XPO1: variants seen among roughly 807,000 people sequenced by gnomAD.
XPO1 encodes exportin-1.
Under a neutral mutation model 133.3 loss-of-function variants are expected in XPO1, and 5 were observed. The observed-to-expected ratio is 0.04, with a 90% confidence interval of 0.02 to 0.08. The LOEUF (loss-of-function observed/expected upper bound fraction) is 0.08. Among genes scored for constraint, XPO1 ranks in the 10% least tolerant of loss-of-function variants. The pLI is 1.00. For missense variants in XPO1, 506 were observed against 1,267.5 expected (o/e 0.40, Z 9.12); for synonymous variants, 419 against 408.2 (o/e 1.03, Z -0.32).
intron 4 of XPO1, among the ~76,000 whole-genome samples, chr2:61,518,063 G>C (rs1162335580): frequency 6.6e-6 from 1 of 151,904 alleles, no homozygotes; most frequent in Non-Finnish European, 1.5e-5. Context: ...CCAGGAGGCA[G>C]AGGGTGCAGT....
chr2:61,482,235 G>C, intron 23 of XPO1, 145 bp downstream of exon 23: 1 of 345,654 alleles, frequency 2.9e-6, no homozygotes, highest in Non-Finnish European at 4.2e-6. Context: ...GTAGAGACGG[G>C]ATCTTGTTTT....
intron 10 of XPO1, 70 bp from the exon 11 acceptor site, chr2:61,495,683 T>C (rs1697209728): frequency 2.1e-6 from 3 of 1,401,580 alleles, no homozygotes; most frequent in Admixed American, 4.8e-5. Context: ...TATTTTATTA[T>C]TATTTTTTTG....
In XPO1 at chr2:61,495,649, T is replaced by C. The variant is rs753751922; in HGVS notation, c.889-36A>G. On this transcript the variant is annotated intron_variant, in intron 10 of 24. Transcript: ENST00000401558. ...TAAAAGGGACGATCAGTTCGCATTT[T>C]ATAAAACAACTAAAGACACTTAATA... is the stretch of plus-strand genomic sequence containing the variant. 2.0e-6 allele frequency: 3 copies of C among 1,517,898 alleles called. No individual in the cohort carries two copies. The Admixed American group carries it at 6.4e-5, about 32-fold the overall frequency. The allele number at this position is 1,517,898 out of a possible 1,614,324, so 94.0% of individuals were successfully genotyped here. A position where few individuals can be genotyped will look rare whatever the true frequency, so the allele number is the denominator to read the frequency against.
At chr2:61,488,553 T>G (rs181194735) in intron 18 of XPO1, 35 bp downstream of exon 18, 1 of 1,590,514 alleles carries the variant, frequency 6.3e-7, no homozygotes, top group Admixed American at 1.8e-5. Flanking sequence ...GTGGTTTGTT[T>G]ATACTGCATT....
At chr2:61,511,786 C>G (rs1487402070) in intron 4 of XPO1, among the ~76,000 whole-genome samples, 3 of 150,190 alleles carry the variant, frequency 2.0e-5, no homozygotes, top group Admixed American at 6.6e-5. Context: ...TGAGACGGAG[C>G]CTTGCTCTGT....
rs546657897 is a variant in XPO1, at chr2:61,478,112, G to A, written c.*708C>T. 4.3e-6 allele frequency: 1 copy of A among 231,870 alleles called. No individual in the cohort carries two copies. Among genetic ancestry groups the A allele is most frequent in the African/African-American group, 2.2e-5 (1 of 45,322 alleles). 14.4% of individuals were successfully genotyped at this position (231,870 alleles called of 1,614,324 possible). ...TAAATATTTTTAACCATTTCACTTC[G>A]AGTTAATGAAGGCTCACAAATGAGC... On this transcript the variant is annotated 3_prime_UTR_variant, in exon 25 of 25. Transcript: ENST00000401558.
chr2:61,494,219 C>T, intron 11 of XPO1, 128 bp from the exon 12 acceptor site: 1 of 856,498 alleles, frequency 1.2e-6, no homozygotes, highest in Non-Finnish European at 1.7e-6. Flanking sequence ...GATTTCAATA[C>T]TTATCAAATA....
chr2:61,511,762 C>CT (rs556975972), intron 4 of XPO1, among the ~76,000 whole-genome samples: 7 of 151,120 alleles, frequency 4.6e-5, no homozygotes, highest in Non-Finnish European at 7.4e-5. Flanking sequence ...TTTTTCTTTT[C>CT]TTTTTTTTCT....
intron 4 of XPO1, among the ~76,000 whole-genome samples, chr2:61,509,167 G>A (rs1264542514): frequency 1.3e-5 from 2 of 149,660 alleles, no homozygotes; most frequent in African/African-American, 4.9e-5. Context: ...ACGCCCAGCT[G>A]ATTTTTTTTT....
intron 1 of XPO1, chr2:61,536,474 T>C: frequency 6.6e-6 from 1 of 152,246 alleles, no homozygotes; most frequent in East Asian, 1.9e-4. Context: ...ACTCTACAAG[T>C]GACACCCAAT....
intron 4 of XPO1, among the ~76,000 whole-genome samples, chr2:61,518,388 TAA>T (rs986949403): frequency 2.4e-5 from 3 of 125,640 alleles, no homozygotes; most frequent in Admixed American, 8.0e-5. Flanking sequence ...CCGTCTCTAC[TAA>T]AAAAAAAAAC....
Position 61,482,619 on chromosome 2 carries a change from T to G in XPO1, c.2813-80A>C, listed in dbSNP as rs1393727101. 6 of 1,311,878 alleles carry G rather than the reference T, an allele frequency of 4.6e-6. No individual in the cohort carries two copies. In the African/African-American group the frequency reaches 7.6e-5, roughly 17 times the overall value. 81.3% of individuals were successfully genotyped at this position (1,311,878 alleles called of 1,614,324 possible). A position where few individuals can be genotyped will look rare whatever the true frequency, so the allele number is the denominator to read the frequency against. ...AGCGTTTTTTTTTGTTTTGTTTTTT[T>G]TTTTTAGACGGAGTCTCGCTCTGTC... On this transcript the variant is annotated intron_variant, in intron 22 of 24. Transcript: ENST00000401558.
chr2:61,503,590 ATT>A (rs1248549915), intron 4 of XPO1, among the ~76,000 whole-genome samples: 1 of 151,804 alleles, frequency 6.6e-6, no homozygotes, highest in Non-Finnish European at 1.5e-5. Flanking sequence ...ATGCTCGGCT[ATT>A]TTTTTGTATT....
intron 6 of XPO1, among the ~76,000 whole-genome samples, chr2:61,500,177 A>G (rs1206311811): frequency 6.6e-6 from 1 of 152,138 alleles, no homozygotes; most frequent in Non-Finnish European, 1.5e-5. Context: ...TCTGCCTGAT[A>G]GATATGTAGA....
At chr2:61,513,380 TTTTGAGA>T (rs1164181560) in intron 4 of XPO1, among the ~76,000 whole-genome samples, 1 of 149,046 alleles carries the variant, frequency 6.7e-6, no homozygotes, top group East Asian at 2.0e-4. Context: ...TTTTTTTTTT[TTTTGAGA>T]GAGAGTCTTG....
rs80140387 is a variant in XPO1 at position 61,513,243 on chromosome 2, C to T, written c.301+9368G>A. ...CTGGCTAATTTGTTTGTATTGTTTCCGCCTGCCTTGGCCTCCCAGTGCTGG... is the reference window on the plus strand; with the variant it reads ...CTGGCTAATTTGTTTGTATTGTTTCTGCCTGCCTTGGCCTCCCAGTGCTGG... On this transcript the variant is annotated intron_variant, in intron 4 of 24. Transcript: ENST00000401558. Among the ~76,000 whole-genome samples, 1,366 of 152,126 alleles carry T rather than the reference C, an allele frequency of 9.0e-3. 28 individuals are homozygous for T. The highest frequency in any genetic ancestry group is 0.031 in the African/African-American group (1,303 of 41,496).
intron 19 of XPO1, among the ~76,000 whole-genome samples, chr2:61,487,340 T>C (rs1558633338): frequency 2.6e-5 from 4 of 152,228 alleles, no homozygotes; most frequent in Admixed American, 1.3e-4. Flanking sequence ...TCAATACATC[T>C]TACTTTCTGC....
In XPO1 at chr2:61,481,181, A is replaced by G. The variant is rs990866004; in HGVS notation, c.3069+4T>C. The G allele has an allele frequency of 1.3e-6, 2 of 1,592,358 alleles. No individual in the cohort carries two copies. The highest frequency in any genetic ancestry group is 1.7e-6 in the Non-Finnish European group (2 of 1,166,698). On this transcript the variant is annotated splice_donor_region_variant and intron_variant, in intron 24 of 24. Coordinates refer to ENST00000401558, the MANE Select transcript of XPO1 (RefSeq NM_003400.4). Reference sequence around the variant, plus strand: ...TATTTCTGCAAGAGCAAATAAATACATACCTTTATTTGAACTAGGAAATCT... The same window carrying G: ...TATTTCTGCAAGAGCAAATAAATACGTACCTTTATTTGAACTAGGAAATCT...
chr2:61,536,215 G>T (rs774364543), intron 1 of XPO1: 1 of 152,188 alleles, frequency 6.6e-6, no homozygotes, highest in Admixed American at 6.5e-5. Context: ...TTCCTGAACT[G>T]TACATAGTAC....
Sources: allele counts gnomAD v4.1 joint callset (sites outside exome capture counted in the v4.1 genomes callset), GRCh38; gene constraint gnomAD v4.1.1; transcripts MANE v1.5; gene names NCBI Gene and HGNC (gene_info 2026-07-23, HGNC 2026-07-21).